NAALADL2: variants seen among roughly 807,000 people sequenced by gnomAD.
NAALADL2 encodes the protein N-acetylated alpha-linked acidic dipeptidase like 2, also known as inactive N-acetylated-alpha-linked acidic dipeptidase-like protein 2.
In NAALADL2, 76 loss-of-function variants were observed where a neutral mutation model predicts 87.2. The ratio of observed to expected loss-of-function variants is 0.87; its 90% CI spans 0.72 to 1.05. NAALADL2 has a LOEUF of 1.05. Among genes scored for constraint, NAALADL2 ranks in the 50% least tolerant of loss-of-function variants. NAALADL2 has a pLI of 0.00. For missense variants in NAALADL2, 1,089 were observed against 945.8 expected, an observed-to-expected ratio of 1.15 and a Z score of -1.99; for synonymous variants, 354 against 331.0, an observed-to-expected ratio of 1.07 and a Z score of -0.75.
chr3:174,806,348 T>C (rs1345813823), intron 3 of NAALADL2, among the ~76,000 whole-genome samples: 1 of 152,150 alleles, frequency 6.6e-6, no homozygotes, highest in Admixed American at 6.6e-5. Context: ...TTGTCCTCAG[T>C]TGGGCCAAGA....
intron 1 of NAALADL2, among the ~76,000 whole-genome samples, chr3:175,007,017 C>A (rs999343845): frequency 6.6e-6 from 1 of 151,500 alleles, no homozygotes. Flanking sequence ...TAACCTTATT[C>A]ATAGCTCATT....
chr3:174,479,943 T>A (rs771115889), intron 1 of NAALADL2, among the ~76,000 whole-genome samples: 7 of 152,148 alleles, frequency 4.6e-5, no homozygotes, highest in Non-Finnish European at 7.4e-5. Context: ...ACAGAATTTT[T>A]AAAAATGACA....
At chr3:175,725,600 T>G (rs1742812685) in intron 11 of NAALADL2, among the ~76,000 whole-genome samples, 1 of 152,130 alleles carries the variant, frequency 6.6e-6, no homozygotes, top group Non-Finnish European at 1.5e-5. Context: ...GCCACTGGTA[T>G]TCCCTATTTG....
intron 3 of NAALADL2, among the ~76,000 whole-genome samples, chr3:174,773,712 T>C (rs927567479): frequency 2.0e-5 from 3 of 152,100 alleles, no homozygotes; most frequent in African/African-American, 4.8e-5. Flanking sequence ...TCAACACTTA[T>C]TTTGCGTTTT....
chr3:174,975,218 C>T (rs1248518968), intron 1 of NAALADL2, among the ~76,000 whole-genome samples: 1 of 152,162 alleles, frequency 6.6e-6, no homozygotes, highest in Non-Finnish European at 1.5e-5. Context: ...GCTGACTTGA[C>T]ATCTTTCTGC....
At chr3:175,047,960 G>A (rs1754886699) in intron 1 of NAALADL2, among the ~76,000 whole-genome samples, 1 of 152,112 alleles carries the variant, frequency 6.6e-6, no homozygotes, top group African/African-American at 2.4e-5. Context: ...CCCACTAAAT[G>A]GAGTATATGA....
chr3:175,810,471 A>T lies in NAALADL2; in HGVS notation c.*7268A>T, dbSNP rs1398403967. The T allele has an allele frequency of 6.6e-6, 1 of 152,082 alleles. No homozygotes were observed. The highest frequency in any genetic ancestry group is 1.9e-4 in the East Asian group (1 of 5,188). The allele number at this position is 152,082 out of a possible 1,614,324, so 9.4% of individuals were successfully genotyped here. On this transcript the variant is annotated 3_prime_UTR_variant, in exon 14 of 14. Transcript: ENST00000454872. ...CCATTTAACAAACGTGTTCTGAATC[A>T]TAATTTTCATGAGTTTGTACGTGAA...
At chr3:175,299,383 G>C (rs1206865297) in intron 4 of NAALADL2, among the ~76,000 whole-genome samples, 1 of 151,996 alleles carries the variant, frequency 6.6e-6, no homozygotes, top group Admixed American at 6.6e-5. Flanking sequence ...ACTTTGGCCA[G>C]TATGGCCATT....
At chr3:175,388,468 T>C (rs953279376) in intron 5 of NAALADL2, among the ~76,000 whole-genome samples, 2 of 152,132 alleles carry the variant, frequency 1.3e-5, no homozygotes, top group Non-Finnish European at 2.9e-5. Flanking sequence ...AAATCGATGT[T>C]GAGTGAAATT....
At chr3:174,726,868 C>T (rs1053042696) in intron 2 of NAALADL2, among the ~76,000 whole-genome samples, 2 of 152,148 alleles carry the variant, frequency 1.3e-5, no homozygotes, top group African/African-American at 4.8e-5. Flanking sequence ...CCTAGCTAGA[C>T]AGTTGCAATA....
intron 2 of NAALADL2, among the ~76,000 whole-genome samples, chr3:175,141,163 G>T (rs942353687): frequency 3.3e-5 from 5 of 152,100 alleles, no homozygotes; most frequent in Non-Finnish European, 5.9e-5. Context: ...CCTGTTGTTA[G>T]CTCAGTCAAA....
chr3:175,500,236 C>G (rs770722346), intron 9 of NAALADL2, among the ~76,000 whole-genome samples: 76 of 152,144 alleles, frequency 5.0e-4, no homozygotes, highest in Non-Finnish European at 1.1e-3. Context: ...TTAGTGAAGT[C>G]TAGATAATCC....
intron 13 of NAALADL2, among the ~76,000 whole-genome samples, chr3:175,771,947 G>C (rs1422009203): frequency 3.3e-5 from 5 of 152,074 alleles, no homozygotes. Flanking sequence ...GATCTCCTGA[G>C]AACTCACTCA....
chr3:175,231,337 C>T (rs912624823), intron 2 of NAALADL2, among the ~76,000 whole-genome samples: 2 of 151,804 alleles, frequency 1.3e-5, no homozygotes, highest in African/African-American at 4.8e-5. Context: ...CTTTATACAT[C>T]GTATACGTTG....
At chr3:175,170,171 A>G (rs1161503226) in intron 2 of NAALADL2, among the ~76,000 whole-genome samples, 1 of 151,732 alleles carries the variant, frequency 6.6e-6, no homozygotes, top group Non-Finnish European at 1.5e-5. Context: ...TTCCTCTTGA[A>G]CCAGAAAAAA....
intron 5 of NAALADL2, among the ~76,000 whole-genome samples, chr3:175,339,401 G>A (rs1762355866): frequency 6.6e-6 from 1 of 152,104 alleles, no homozygotes; most frequent in Non-Finnish European, 1.5e-5. Context: ...CACAATTTGA[G>A]ATTTCTATCA....
At chr3:174,586,636 TAACCCG>T (rs1218768843) in intron 2 of NAALADL2, among the ~76,000 whole-genome samples, 1 of 152,188 alleles carries the variant, frequency 6.6e-6, no homozygotes, top group Non-Finnish European at 1.5e-5. Context: ...AACCTTCATT[TAACCCG>T]AACATTCTGT....
chr3:175,007,964 C>T (rs1315273301), intron 1 of NAALADL2, among the ~76,000 whole-genome samples: 1 of 152,054 alleles, frequency 6.6e-6, no homozygotes, highest in Non-Finnish European at 1.5e-5. Context: ...TAACTAGCGA[C>T]GGGGTAGCAT....
At chr3:175,721,766 G>A (rs944991229) in intron 11 of NAALADL2, among the ~76,000 whole-genome samples, 1 of 152,028 alleles carries the variant, frequency 6.6e-6, no homozygotes, top group African/African-American at 2.4e-5. Context: ...TATAAGAGCT[G>A]GGATGGGAGG....
Sources: gnomAD v4.1 joint callset for allele counts (sites outside exome capture counted in the v4.1 genomes callset) on GRCh38, gnomAD v4.1.1 for gene constraint, MANE v1.5 for transcripts, NCBI Gene and HGNC (gene_info 2026-07-23, HGNC 2026-07-21) for gene names.